The following SYTL2 variants were observed in gnomAD, a reference collection of about 807,000 sequenced individuals.
The protein encoded by SYTL2 is synaptotagmin-like protein 2.
In SYTL2, 165 loss-of-function variants were observed where a neutral mutation model predicts 198.7. The observed-to-expected ratio is 0.83, with a 90% CI of 0.73 to 0.94. The LOEUF (loss-of-function observed/expected upper bound fraction) is 0.94. Among genes scored for constraint, SYTL2 ranks in the 40% least tolerant of loss-of-function variants. The pLI, the probability that SYTL2 is intolerant of heterozygous loss-of-function variation, is 0.00. For synonymous variants in SYTL2, 966 were observed against 917.7 expected (o/e 1.05, Z -0.95); for missense variants, 2,835 against 2,582.8 (o/e 1.10, Z -2.12).
At chr11:85,738,567 T>C (rs1186567222) in intron 4 of SYTL2, among the ~76,000 whole-genome samples, 1 of 152,102 alleles carries the variant, frequency 6.6e-6, no homozygotes, top group African/African-American at 2.4e-5. Flanking sequence ...TCAAGCTATC[T>C]AGAAACAGTG....
chr11:85,765,198 G>A (rs911954194), intron 1 of SYTL2, among the ~76,000 whole-genome samples: 1 of 152,176 alleles, frequency 6.6e-6, no homozygotes, highest in Non-Finnish European at 1.5e-5. Flanking sequence ...ACAAATGAAA[G>A]GATATAGATA....
At chr11:85,825,517 A>G in the SYTL2 span, among the ~76,000 whole-genome samples, 1 of 152,180 alleles carries the variant, frequency 6.6e-6, no homozygotes, top group Non-Finnish European at 1.5e-5. Flanking sequence ...GACTATCTAT[A>G]GGAAGACCCC....
At chr11:85,833,012 AAAG>A in the SYTL2 span, among the ~76,000 whole-genome samples, 2 of 17,472 alleles carry the variant, frequency 1.1e-4, no homozygotes, top group Non-Finnish European at 2.0e-4. Context: ...AAAAGAAAGA[AAAG>A]AAAGAAAGAA....
intron 6 of SYTL2, 83 bp from the exon 7 acceptor site, chr11:85,734,825 C>G: frequency 1.0e-6 from 1 of 962,108 alleles, no homozygotes; most frequent in Non-Finnish European, 1.5e-6. Flanking sequence ...TTAACCTACA[C>G]TTAGTGAAAC....
At chr11:85,706,447 T>A in intron 15 of SYTL2, among the ~76,000 whole-genome samples, 1 of 152,154 alleles carries the variant, frequency 6.6e-6, no homozygotes, top group East Asian at 1.9e-4. Context: ...AAAGCAAGAT[T>A]ACTGAGGCAG....
chr11:85,777,814 T>TA (rs2092480356), intron 1 of SYTL2, among the ~76,000 whole-genome samples: 1 of 107,348 alleles, frequency 9.3e-6, no homozygotes, highest in African/African-American at 4.9e-5. Context: ...TCTTACTTCT[T>TA]TTTTTTTTTT....
chr11:85,789,386 A>G (rs1224834097), intron 1 of SYTL2, among the ~76,000 whole-genome samples: 1 of 102,950 alleles, frequency 9.7e-6, no homozygotes, highest in African/African-American at 4.1e-5. Flanking sequence ...ATGTATATAT[A>G]TATATATATA....
At chr11:85,810,044 A>G (rs1443725700) in intron 1 of SYTL2, among the ~76,000 whole-genome samples, 1 of 152,222 alleles carries the variant, frequency 6.6e-6, no homozygotes, top group East Asian at 1.9e-4. Flanking sequence ...GCTGGATGGC[A>G]GTTTGCATCC....
chr11:85,699,577 G>C (rs1199543074), intron 17 of SYTL2, among the ~76,000 whole-genome samples: 1 of 151,816 alleles, frequency 6.6e-6, no homozygotes, highest in African/African-American at 2.4e-5. Context: ...TTTTTGGGGG[G>C]CGGGGGGCGG....
chr11:85,785,840 G>A (rs1255406281), intron 1 of SYTL2, among the ~76,000 whole-genome samples: 1 of 152,174 alleles, frequency 6.6e-6, no homozygotes, highest in Non-Finnish European at 1.5e-5. Context: ...TGTTGAATGA[G>A]TGCTAAATGA....
intron 8 of SYTL2, 138 bp downstream of exon 8, chr11:85,723,894 C>A (rs2088719740): frequency 2.3e-6 from 1 of 437,800 alleles, no homozygotes. Context: ...TTAAGAAAGT[C>A]TCAGGAACAC....
At chr11:85,844,701 A>T in the SYTL2 span, among the ~76,000 whole-genome samples, 1 of 152,260 alleles carries the variant, frequency 6.6e-6, no homozygotes, top group East Asian at 1.9e-4. Context: ...TCCTTGGACC[A>T]GAAACTGGAA....
At chr11:85,772,170 G>C (rs2092368599) in intron 1 of SYTL2, among the ~76,000 whole-genome samples, 1 of 152,138 alleles carries the variant, frequency 6.6e-6, no homozygotes, top group Non-Finnish European at 1.5e-5. Context: ...AAAGTGCTGG[G>C]ATTACAGGCA....
chr11:85,813,437 C>T (rs76509369), upstream of SYTL2, among the ~76,000 whole-genome samples: 3,224 of 152,300 alleles, frequency 0.021, 64 homozygotes, highest in Admixed American at 0.039. Context: ...TTAACACGAT[C>T]ATATCAAGTC....
intron 2 of SYTL2, among the ~76,000 whole-genome samples, chr11:85,753,604 C>T (rs2091678933): frequency 6.6e-6 from 1 of 151,870 alleles, no homozygotes; most frequent in Non-Finnish European, 1.5e-5. Flanking sequence ...TGGGAAGTAA[C>T]AAAACCTTTT....
intron 1 of SYTL2, among the ~76,000 whole-genome samples, chr11:85,774,779 T>C (rs957382850): frequency 1.3e-5 from 2 of 152,188 alleles, no homozygotes; most frequent in African/African-American, 4.8e-5. Flanking sequence ...ATAGTATTAA[T>C]CAAACCTTAA....
the SYTL2 span, among the ~76,000 whole-genome samples, chr11:85,847,412 G>A: frequency 2.0e-5 from 3 of 151,740 alleles, no homozygotes; most frequent in African/African-American, 7.3e-5. Flanking sequence ...CTAAGTGCTG[G>A]CAACATTCCT....
intron 7 of SYTL2, among the ~76,000 whole-genome samples, chr11:85,729,267 C>T (rs2089560780): frequency 6.6e-6 from 1 of 152,180 alleles, no homozygotes; most frequent in Admixed American, 6.5e-5. Flanking sequence ...AACTCTCCAC[C>T]CCAAATCAAC....
chr11:85,757,703 G>T lies in SYTL2; in HGVS notation c.23C>A (p.Thr8Asn), dbSNP rs1430782799. ...CATGATGGCCTCTTGTTCCTCTTCAGTCAGGAAGCTTAAGTCAATCATTTT... is the reference window on the plus strand; with the variant it reads ...CATGATGGCCTCTTGTTCCTCTTCATTCAGGAAGCTTAAGTCAATCATTTT... Reference protein sequence around the residue: MIDLSFLTEEEQEAIMKV... With the variant: MIDLSFLNEEEQEAIMKV... Residue 8 changes from threonine to asparagine, a missense_variant, in exon 2 of 20, where the codon ACT (threonine) becomes AAT (asparagine). Around this residue, in one of 3 missense-constraint regions of SYTL2, gnomAD observed 2,645 missense variants for 2,381.7 expected, o/e 1.11. Transcript: ENST00000359152. The T allele has an allele frequency of 6.2e-7, 1 of 1,613,302 alleles. No individual in the cohort carries two copies. The highest frequency in any genetic ancestry group is 1.7e-5 in the Admixed American group (1 of 60,012).
Sources: gnomAD v4.1 joint callset for allele counts (sites outside exome capture counted in the v4.1 genomes callset) on GRCh38, gnomAD v4.1.1 for gene constraint, gnomAD v4.1.1 regional missense constraint, MANE v1.5 for transcripts, NCBI Gene and HGNC (gene_info 2026-07-23, HGNC 2026-07-21) for gene names.